The following ALK variants were observed in gnomAD, a reference collection of about 807,000 sequenced individuals.
The protein encoded by ALK is ALK receptor tyrosine kinase.
A neutral mutation model predicts 163.1 loss-of-function variants in ALK; 74 were observed. The observed-to-expected ratio is 0.45, with a 90% CI of 0.38 to 0.55. The LOEUF is 0.55. Among genes scored for constraint, ALK ranks in the 20% least tolerant of loss-of-function variants. The pLI is 0.00. For synonymous variants in ALK, 960 were observed against 843.2 expected (o/e 1.14, Z -2.40); for missense variants, 2,063 against 2,105.3 (o/e 0.98, Z 0.39).
At chr2:29,724,379 A>G (rs114118975) in intron 1 of ALK, among the ~76,000 whole-genome samples, 3,669 of 152,312 alleles carry the variant, frequency 0.024, 57 homozygotes, top group Non-Finnish European at 0.04. Context: ...ATGTGGCCAA[A>G]TAAATAGTGG....
intron 4 of ALK, among the ~76,000 whole-genome samples, chr2:29,482,860 A>G (rs892113078): frequency 3.3e-5 from 5 of 152,174 alleles, no homozygotes; most frequent in Non-Finnish European, 1.5e-5. Flanking sequence ...CACAGTAGGA[A>G]GCTCCCCAAG....
chr2:29,788,148 T>G (rs189407588), intron 1 of ALK, among the ~76,000 whole-genome samples: 49 of 152,364 alleles, frequency 3.2e-4, no homozygotes, highest in Admixed American at 7.8e-4. Context: ...CGAACTTGTC[T>G]TAGCTTATCC....
chr2:29,734,050 G>A (rs1558464698), intron 1 of ALK, among the ~76,000 whole-genome samples: 1 of 152,154 alleles, frequency 6.6e-6, no homozygotes, highest in Non-Finnish European at 1.5e-5. Context: ...GTTTCCCAAG[G>A]TGAGAACTGA....
At chr2:29,287,615 T>C (rs1421363290) in intron 9 of ALK, among the ~76,000 whole-genome samples, 1 of 151,878 alleles carries the variant, frequency 6.6e-6, no homozygotes, top group Non-Finnish European at 1.5e-5. Context: ...AAACAAAAAG[T>C]CAGTAAGGAA....
intron 4 of ALK, among the ~76,000 whole-genome samples, chr2:29,431,477 T>C (rs1336486996): frequency 6.6e-6 from 1 of 152,192 alleles, no homozygotes; most frequent in Non-Finnish European, 1.5e-5. Flanking sequence ...TTTTTTTCCA[T>C]TTATAATGAC....
At chr2:29,894,416 C>T (rs1667218721) in intron 1 of ALK, among the ~76,000 whole-genome samples, 1 of 152,076 alleles carries the variant, frequency 6.6e-6, no homozygotes, top group Non-Finnish European at 1.5e-5. Flanking sequence ...AAAAGCAATA[C>T]TATCCCCCAC....
intron 1 of ALK, among the ~76,000 whole-genome samples, chr2:29,895,256 G>A (rs899937314): frequency 6.6e-6 from 1 of 152,166 alleles, no homozygotes; most frequent in African/African-American, 2.4e-5. Flanking sequence ...CTCCTCCCCA[G>A]CACTCTGCAC....
intron 3 of ALK, among the ~76,000 whole-genome samples, chr2:29,605,935 A>G (rs1002115839): frequency 6.7e-6 from 1 of 150,196 alleles, no homozygotes; most frequent in Admixed American, 6.6e-5. Context: ...TGTAAGTTCA[A>G]CCTGATGGTC....
At chr2:29,539,678 C>T (rs1408477688) in intron 3 of ALK, among the ~76,000 whole-genome samples, 1 of 152,038 alleles carries the variant, frequency 6.6e-6, no homozygotes, top group Non-Finnish European at 1.5e-5. Flanking sequence ...CTGAAGTGTT[C>T]ATGAAAATTG....
At chr2:29,790,027 G>A (rs1233079133) in intron 1 of ALK, among the ~76,000 whole-genome samples, 2 of 152,122 alleles carry the variant, frequency 1.3e-5, no homozygotes. Context: ...CTTTCTCTTT[G>A]CATAATTCAA....
intron 8 of ALK, among the ~76,000 whole-genome samples, chr2:29,316,365 A>T (rs1049779379): frequency 3.3e-5 from 5 of 152,156 alleles, no homozygotes; most frequent in Non-Finnish European, 7.3e-5. Context: ...ATGCCTGCTG[A>T]GCCAAGTTCT....
chr2:29,493,288 G>A (rs1340321697), intron 4 of ALK, among the ~76,000 whole-genome samples: 1 of 152,056 alleles, frequency 6.6e-6, no homozygotes, highest in Non-Finnish European at 1.5e-5. Context: ...CTGTGATCTG[G>A]GCATCTCCAG....
chr2:29,221,335 G>A (rs1669800161), intron 22 of ALK: 1 of 453,786 alleles, frequency 2.2e-6, no homozygotes, highest in Admixed American at 2.8e-5. Flanking sequence ...CTCATGGGAG[G>A]GACCAAGACT....
chr2:29,517,221 A>C (rs930327419), intron 4 of ALK, among the ~76,000 whole-genome samples: 2 of 152,162 alleles, frequency 1.3e-5, no homozygotes, highest in Non-Finnish European at 2.9e-5. Flanking sequence ...CACAGAGAGA[A>C]GTGACCCTCA....
intron 1 of ALK, among the ~76,000 whole-genome samples, chr2:29,844,205 A>G (rs1665780421): frequency 6.6e-6 from 1 of 152,202 alleles, no homozygotes; most frequent in Non-Finnish European, 1.5e-5. Flanking sequence ...TTAGGGAAAG[A>G]AAACAACGCA....
chr2:29,508,298 G>A (rs1225147010), intron 4 of ALK, among the ~76,000 whole-genome samples: 2 of 152,162 alleles, frequency 1.3e-5, no homozygotes, highest in Non-Finnish European at 2.9e-5. Context: ...GTTCAGAGCA[G>A]TATAGGCGTC....
At chr2:29,644,237 G>C (rs1020897233) in intron 3 of ALK, among the ~76,000 whole-genome samples, 1 of 127,844 alleles carries the variant, frequency 7.8e-6, no homozygotes, top group African/African-American at 2.9e-5. Context: ...ATCACACACT[G>C]GGGCCTGTTG....
intron 3 of ALK, among the ~76,000 whole-genome samples, chr2:29,654,159 G>C (rs748249867): frequency 2.0e-5 from 3 of 152,100 alleles, no homozygotes; most frequent in Non-Finnish European, 4.4e-5. Context: ...AGATAGGATG[G>C]GATTTAGTAT....
At chr2:29,868,440 T>C (rs1448448670) in intron 1 of ALK, among the ~76,000 whole-genome samples, 2 of 152,106 alleles carry the variant, frequency 1.3e-5, no homozygotes, top group African/African-American at 2.4e-5. Context: ...GACAACTATA[T>C]TGCATGTGAG....
Sources: gnomAD v4.1 joint callset for allele counts (sites outside exome capture counted in the v4.1 genomes callset) on GRCh38, gnomAD v4.1.1 for gene constraint, MANE v1.5 for transcripts, NCBI Gene and HGNC (gene_info 2026-07-23, HGNC 2026-07-21) for gene names.